Variants in STXBP5L observed in about 807,000 individuals in gnomAD.
STXBP5L encodes the protein syntaxin binding protein 5L.
A neutral mutation model predicts 144.5 loss-of-function variants in STXBP5L; 65 were observed. That is an observed-to-expected ratio of 0.45 (90% confidence interval 0.37 to 0.55). The LOEUF (loss-of-function observed/expected upper bound fraction) is 0.55. STXBP5L is among the 20% of genes least tolerant of loss of function. The pLI is 0.00. For synonymous variants in STXBP5L, 505 were observed against 469.6 expected, an observed-to-expected ratio of 1.08 and a Z score of -0.97; for missense variants, 1,298 against 1,405.5, an observed-to-expected ratio of 0.92 and a Z score of 1.22.
intron 22 of STXBP5L, among the ~76,000 whole-genome samples, chr3:121,399,213 C>T (rs569907077): frequency 5.5e-4 from 84 of 152,254 alleles, no homozygotes; most frequent in Middle Eastern, 3.4e-3. Context: ...CCACACTTGT[C>T]CCATTGTTAC....
At chr3:121,059,456 G>A (rs999772134) in intron 5 of STXBP5L, among the ~76,000 whole-genome samples, 6 of 152,112 alleles carry the variant, frequency 3.9e-5, no homozygotes, top group African/African-American at 1.2e-4. Flanking sequence ...GGCTATGTGG[G>A]TTCTTGTTTG....
At chr3:121,204,302 G>C (rs1168498052) in intron 9 of STXBP5L, among the ~76,000 whole-genome samples, 1 of 152,064 alleles carries the variant, frequency 6.6e-6, no homozygotes, top group Admixed American at 6.6e-5. Context: ...AAGACATCAT[G>C]ATCTACATAT....
intron 5 of STXBP5L, 99 bp downstream of exon 5, chr3:121,045,634 A>C: frequency 3.0e-6 from 3 of 1,003,360 alleles, no homozygotes; most frequent in Non-Finnish European, 4.5e-6. Flanking sequence ...CATAATCTCA[A>C]CAGCTAGAAA....
At chr3:121,186,225 T>C (rs1486707425) in intron 9 of STXBP5L, among the ~76,000 whole-genome samples, 2 of 152,172 alleles carry the variant, frequency 1.3e-5, no homozygotes, top group Non-Finnish European at 2.9e-5. Context: ...TCTAGATATA[T>C]AATCATGTCA....
At chr3:120,966,826 C>G (rs1340160320) in intron 3 of STXBP5L, among the ~76,000 whole-genome samples, 3 of 152,172 alleles carry the variant, frequency 2.0e-5, no homozygotes, top group Admixed American at 6.5e-5. Flanking sequence ...TCACTGCTCT[C>G]TTCAGAGCTA....
chr3:121,176,382 G>A (rs2046932777), intron 9 of STXBP5L, among the ~76,000 whole-genome samples: 1 of 150,238 alleles, frequency 6.7e-6, no homozygotes, highest in Non-Finnish European at 1.5e-5. Flanking sequence ...AATAAGGATT[G>A]TAGCAACTGT....
At chr3:121,236,924 G>C (rs2049502384) in intron 12 of STXBP5L, among the ~76,000 whole-genome samples, 1 of 152,182 alleles carries the variant, frequency 6.6e-6, no homozygotes, top group Non-Finnish European at 1.5e-5. Context: ...GTCTCATGTA[G>C]CTTTAAAACA....
chr3:121,410,476 C>G (rs1370236640), intron 23 of STXBP5L, among the ~76,000 whole-genome samples: 2 of 151,816 alleles, frequency 1.3e-5, no homozygotes, highest in Non-Finnish European at 2.9e-5. Flanking sequence ...GAAATGAATC[C>G]TACAAATTAG....
intron 5 of STXBP5L, among the ~76,000 whole-genome samples, chr3:121,084,854 C>T (rs1315335658): frequency 6.6e-6 from 1 of 152,170 alleles, no homozygotes; most frequent in Non-Finnish European, 1.5e-5. Context: ...ATTCCTATTT[C>T]TCCACAGTCT....
At chr3:121,399,884 CT>C (rs1446280652) in intron 22 of STXBP5L, among the ~76,000 whole-genome samples, 1 of 152,196 alleles carries the variant, frequency 6.6e-6, no homozygotes, top group African/African-American at 2.4e-5. Context: ...ACACCTATCA[CT>C]TTTGTCTGCA....
At chr3:120,975,706 G>A (rs910346048) in intron 3 of STXBP5L, among the ~76,000 whole-genome samples, 5 of 152,082 alleles carry the variant, frequency 3.3e-5, no homozygotes, top group African/African-American at 1.2e-4. Flanking sequence ...TTATTATTTT[G>A]AGATACGTCC....
At chr3:120,960,429 A>C (rs547359371) in intron 3 of STXBP5L, among the ~76,000 whole-genome samples, 7 of 152,152 alleles carry the variant, frequency 4.6e-5, no homozygotes, top group Admixed American at 1.3e-4. Context: ...AAAGGAGTAT[A>C]AATCATGCTG....
At chr3:121,052,104 A>G (rs975870921) in intron 5 of STXBP5L, among the ~76,000 whole-genome samples, 22 of 152,202 alleles carry the variant, frequency 1.4e-4, no homozygotes, top group Admixed American at 1.3e-3. Flanking sequence ...TTACCAACCA[A>G]AAACAGTCCA....
chr3:121,299,665 C>G (rs1029664379), intron 19 of STXBP5L, among the ~76,000 whole-genome samples: 11 of 151,740 alleles, frequency 7.2e-5, no homozygotes, highest in African/African-American at 2.4e-4. Flanking sequence ...CTTAAAGATC[C>G]AGGAAGCTCA....
At chr3:120,979,202 A>T (rs1365841793) in intron 3 of STXBP5L, among the ~76,000 whole-genome samples, 2 of 152,180 alleles carry the variant, frequency 1.3e-5, no homozygotes, top group Non-Finnish European at 2.9e-5. Context: ...GGCTTCCCCC[A>T]GTTGGAGCTT....
intron 9 of STXBP5L, among the ~76,000 whole-genome samples, chr3:121,185,736 C>T (rs2047351430): frequency 6.6e-6 from 1 of 152,152 alleles, no homozygotes; most frequent in Non-Finnish European, 1.5e-5. Context: ...TAGCATGATG[C>T]CTCCAGATTT....
intron 5 of STXBP5L, among the ~76,000 whole-genome samples, chr3:121,086,097 C>A (rs762347802): frequency 2.0e-5 from 3 of 152,132 alleles, no homozygotes; most frequent in Non-Finnish European, 4.4e-5. Flanking sequence ...GCTGGGAAAA[C>A]TGGCTAGACA....
At chr3:121,353,661 G>GT (rs1260073023) in intron 20 of STXBP5L, among the ~76,000 whole-genome samples, 1 of 152,040 alleles carries the variant, frequency 6.6e-6, no homozygotes, top group Non-Finnish European at 1.5e-5. Flanking sequence ...TTTTTGAAGG[G>GT]TTTTTTGTGT....
Position 121,327,219 on chromosome 3 carries a change from C to T in STXBP5L, c.2176+8679C>T, listed in dbSNP as rs187264064. Among the ~76,000 whole-genome samples the T allele has an allele frequency of 2.7e-4, 41 of 152,188 alleles. 1 individual carries two copies. The highest frequency in any genetic ancestry group is 2.3e-3 in the South Asian group (11 of 4,826). On this transcript the variant is annotated intron_variant, in intron 20 of 26. Coordinates refer to ENST00000471454, the MANE Select transcript of STXBP5L (RefSeq NM_001308330.2). ...AGAAAGATGATACAGTCAAAACACA[C>T]GAAGTCCCCTAGACAAAACCATAAT...
Sources: allele counts gnomAD v4.1 joint callset (sites outside exome capture counted in the v4.1 genomes callset), GRCh38; gene constraint gnomAD v4.1.1; transcripts MANE v1.5; gene names NCBI Gene and HGNC (gene_info 2026-07-23, HGNC 2026-07-21).